ARMH3: variants seen among roughly 807,000 people sequenced by gnomAD.
ARMH3 encodes armadillo like helical domain containing 3.
In ARMH3, 60 loss-of-function variants were observed where a neutral mutation model predicts 99.1. The ratio of observed to expected loss-of-function variants is 0.61; its 90% CI spans 0.49 to 0.75. The LOEUF (loss-of-function observed/expected upper bound fraction) is 0.75. Among genes scored for constraint, ARMH3 ranks in the 30% least tolerant of loss-of-function variants. The probability of loss-of-function intolerance (pLI) is 0.00; values close to 1 mark genes in which losing one functional copy is unlikely to be tolerated. For missense variants in ARMH3, 679 were observed against 843.1 expected, an observed-to-expected ratio of 0.81 and a Z score of 2.41; for synonymous variants, 285 against 292.8, an observed-to-expected ratio of 0.97 and a Z score of 0.27.
At chr10:101,883,466 G>A (rs992103173) in intron 24 of ARMH3, among the ~76,000 whole-genome samples, 1 of 152,012 alleles carries the variant, frequency 6.6e-6, no homozygotes, top group African/African-American at 2.4e-5. Context: ...ATCTAAGAGT[G>A]TCAGATAGGA....
Position 102,029,755 on chromosome 10 carries a change from T to A in ARMH3, c.307-10A>T. On this transcript the variant is annotated splice_polypyrimidine_tract_variant and intron_variant, in intron 4 of 25. Transcript: ENST00000370033. ...TGAGTGCGCACAGGGTCTGCAGAAA[T>A]GAGAGAAAGAATTCTTTCTGGAGAG... 6.2e-7 allele frequency: 1 copy of A among 1,606,796 alleles called. No individual in the cohort carries two copies. The highest frequency in any genetic ancestry group is 8.5e-7 in the Non-Finnish European group (1 of 1,174,242).
Position 101,993,595 on chromosome 10 carries a change from A to G in ARMH3, c.1218T>C (p.Tyr406=). 1.3e-6 allele frequency: 2 copies of G among 1,593,132 alleles called. No individual in the cohort carries two copies. The highest frequency in any genetic ancestry group is 2.3e-5 in the South Asian group (2 of 87,750). The part of the protein sequence containing the change: ...IILTCIAEDQ[Y]ANAFLHDDNM... ...TGTCATCATGCAAAAATGCATTGGC[A>G]TATTGATCCTAATAAAAATATAGAG... Residue 406 remains tyrosine (Y), a synonymous_variant, in exon 17 of 26, where the codon TAT becomes TAC. Transcript: ENST00000370033.
intron 19 of ARMH3, among the ~76,000 whole-genome samples, chr10:101,982,035 A>C (rs960964456): frequency 1.9e-4 from 29 of 150,714 alleles, no homozygotes; most frequent in Non-Finnish European, 3.4e-4. Context: ...AAAAAAAAAA[A>C]AAAAAAAAAC....
Position 101,859,020 on chromosome 10 carries a change from T to C in ARMH3, c.1861-9128A>G, listed in dbSNP as rs1589915920. ...CTGTTCTCAGCATTCTTTGACAGGC[T>C]TCAAAAGCCCTCAGAGCCAAGTCTT... On this transcript the variant is annotated intron_variant, in intron 24 of 25. Coordinates refer to ENST00000370033, the MANE Select transcript of ARMH3 (RefSeq NM_024541.3). Among the ~76,000 whole-genome samples, 3 of 152,308 alleles carry C rather than the reference T, an allele frequency of 2.0e-5. No homozygotes were observed. In the East Asian group the frequency reaches 5.8e-4, roughly 29 times the overall value.
At chr10:102,022,468 G>A (rs1465817025) in intron 8 of ARMH3, among the ~76,000 whole-genome samples, 1 of 139,706 alleles carries the variant, frequency 7.2e-6, no homozygotes, top group Admixed American at 7.2e-5. Context: ...CTCCAGCCTG[G>A]GCGACAGAGC....
At chr10:101,888,468 T>A (rs1362000334) in intron 24 of ARMH3, among the ~76,000 whole-genome samples, 3 of 152,200 alleles carry the variant, frequency 2.0e-5, no homozygotes. Context: ...GAGAAGCTTG[T>A]CTATTAGGAA....
chr10:101,873,946 T>A (rs1379074671), intron 24 of ARMH3, among the ~76,000 whole-genome samples: 1 of 152,238 alleles, frequency 6.6e-6, no homozygotes, highest in East Asian at 1.9e-4. Context: ...GCTATGAACA[T>A]CTGTGTACAG....
At chr10:102,009,725 C>A (rs2066587437) in intron 12 of ARMH3, among the ~76,000 whole-genome samples, 1 of 152,198 alleles carries the variant, frequency 6.6e-6, no homozygotes, top group East Asian at 1.9e-4. Context: ...CTGGCTCAGA[C>A]ACCCATCCCT....
chr10:101,945,605 C>T (rs916362645), intron 22 of ARMH3, among the ~76,000 whole-genome samples: 10 of 151,858 alleles, frequency 6.6e-5, no homozygotes, highest in African/African-American at 2.4e-4. Flanking sequence ...GTAATCCCAG[C>T]TACTCCAGAG....
At chr10:101,988,711 T>A (rs562029642) in intron 19 of ARMH3, among the ~76,000 whole-genome samples, 1 of 152,148 alleles carries the variant, frequency 6.6e-6, no homozygotes, top group East Asian at 1.9e-4. Context: ...TCACCTAAGG[T>A]CAGGAGTTCT....
At chr10:101,990,522 A>G (rs754599142) in intron 19 of ARMH3, 29 bp downstream of exon 19, 15 of 1,469,008 alleles carry the variant, frequency 1.0e-5, no homozygotes, top group East Asian at 4.5e-5. Flanking sequence ...AGATTTGTAC[A>G]CATTAAATGT....
At chr10:101,991,512 C>G (rs1488344957) in intron 18 of ARMH3, among the ~76,000 whole-genome samples, 1 of 152,144 alleles carries the variant, frequency 6.6e-6, no homozygotes, top group Non-Finnish European at 1.5e-5. Flanking sequence ...TCCTGAGTAG[C>G]TGGGATTACA....
chr10:101,993,224 T>C (rs1846884748), intron 17 of ARMH3, among the ~76,000 whole-genome samples: 1 of 142,912 alleles, frequency 7.0e-6, no homozygotes, highest in South Asian at 2.2e-4. Flanking sequence ...TGAGCAGAGA[T>C]CACACCATTG....
chr10:102,036,416 G>T (rs1004272849), intron 2 of ARMH3, among the ~76,000 whole-genome samples: 2 of 150,870 alleles, frequency 1.3e-5, no homozygotes, highest in Non-Finnish European at 3.0e-5. Flanking sequence ...TGACGATGGC[G>T]GTTTTGTGGA....
intron 19 of ARMH3, among the ~76,000 whole-genome samples, chr10:101,983,245 A>G (rs1441377965): frequency 6.6e-6 from 1 of 152,166 alleles, no homozygotes; most frequent in East Asian, 1.9e-4. Context: ...GAGGGGCTGA[A>G]GGTTAAGTTG....
intron 19 of ARMH3, among the ~76,000 whole-genome samples, chr10:101,984,629 C>T (rs1316796750): frequency 6.6e-6 from 1 of 152,086 alleles, no homozygotes; most frequent in Non-Finnish European, 1.5e-5. Context: ...GCCATCTATC[C>T]ACATCCACTC....
intron 20 of ARMH3, among the ~76,000 whole-genome samples, chr10:101,962,972 T>C (rs984211644): frequency 1.4e-4 from 11 of 76,670 alleles, no homozygotes; most frequent in Non-Finnish European, 2.4e-4. Flanking sequence ...CTTTTTTTCT[T>C]TTTTTTTTTT....
chr10:101,951,735 G>A (rs570231146), intron 22 of ARMH3, among the ~76,000 whole-genome samples: 4 of 152,032 alleles, frequency 2.6e-5, no homozygotes, highest in Non-Finnish European at 5.9e-5. Flanking sequence ...AGGTGTGGAG[G>A]CATGGGCCTG....
chr10:101,850,090 C>CTCT (rs752507279), intron 24 of ARMH3, among the ~76,000 whole-genome samples, 198 bp from the exon 25 acceptor site: 2,394 of 91,814 alleles, frequency 0.026, 77 homozygotes, highest in Non-Finnish European at 0.033. Flanking sequence ...CTCTCTCTCT[C>CTCT]TTTTTTTTTT....
Sources: gnomAD v4.1 joint callset for allele counts (sites outside exome capture counted in the v4.1 genomes callset) on GRCh38, gnomAD v4.1.1 for gene constraint, MANE v1.5 for transcripts, NCBI Gene and HGNC (gene_info 2026-07-23, HGNC 2026-07-21) for gene names.